Variants in CCDC33 observed in about 807,000 individuals in gnomAD.
CCDC33 encodes the protein coiled-coil domain-containing protein 33.
In CCDC33, 94 loss-of-function variants were observed where a neutral mutation model predicts 91.9. That is an observed-to-expected ratio of 1.02 (90% CI 0.87 to 1.21). CCDC33 has a LOEUF of 1.21. Ranked by LOEUF, CCDC33 falls within the 50% of genes most tolerant of loss-of-function variation. The probability of loss-of-function intolerance (pLI) is 0.00; values close to 1 mark genes in which losing one functional copy is unlikely to be tolerated. For missense variants in CCDC33, 940 were observed against 935.5 expected, an observed-to-expected ratio of 1.00 and a Z score of -0.06; for synonymous variants, 396 against 374.5, an observed-to-expected ratio of 1.06 and a Z score of -0.66.
At chr15:74,262,709 T>G (rs900219645) in intron 3 of CCDC33, 136 bp downstream of exon 3, 91 of 891,306 alleles carry the variant, frequency 1.0e-4, no homozygotes, top group Non-Finnish European at 1.4e-4. Flanking sequence ...TTAAAAGCAC[T>G]TAGAAAAAAT....
intron 2 of CCDC33, among the ~76,000 whole-genome samples, chr15:74,255,297 A>G (rs1176603392): frequency 1.3e-5 from 2 of 152,194 alleles, no homozygotes; most frequent in Non-Finnish European, 2.9e-5. Context: ...GGGATGTGCC[A>G]CACAGTCAGC....
At chr15:74,217,128 T>G, upstream of CCDC33, 1 of 457,134 alleles carries the variant, frequency 2.2e-6, no homozygotes, top group Non-Finnish European at 3.4e-6. Flanking sequence ...CTTCCTGCCT[T>G]GTTACCTGGT....
chr15:74,242,838 G>A (rs1013641031), intron 1 of CCDC33, among the ~76,000 whole-genome samples: 12 of 151,974 alleles, frequency 7.9e-5, no homozygotes, highest in Admixed American at 4.6e-4. Flanking sequence ...AGTCCCCACT[G>A]CCTCCCCAGT....
intron 7 of CCDC33, among the ~76,000 whole-genome samples, chr15:74,274,461 T>C (rs1414593878): frequency 1.3e-5 from 2 of 152,008 alleles, no homozygotes; most frequent in African/African-American, 4.8e-5. Flanking sequence ...ATAGCAAAAA[T>C]AGAACAAGAC....
intron 10 of CCDC33, among the ~76,000 whole-genome samples, chr15:74,286,756 C>T (rs2059483040): frequency 6.6e-6 from 1 of 152,192 alleles, no homozygotes; most frequent in Non-Finnish European, 1.5e-5. Context: ...CTCCTCAGCC[C>T]ACAGCCCACA....
chr15:74,272,583 A>G (rs1316218752), intron 6 of CCDC33, among the ~76,000 whole-genome samples, 188 bp from the exon 7 acceptor site: 1 of 152,120 alleles, frequency 6.6e-6, no homozygotes. Flanking sequence ...TGCTTGTTGG[A>G]GGAAGGAAGA....
At chr15:74,328,321 C>G (rs2060352426) in intron 11 of CCDC33, among the ~76,000 whole-genome samples, 1 of 152,222 alleles carries the variant, frequency 6.6e-6, no homozygotes. Context: ...AGGAGAGCAG[C>G]AGCCTCCAAA....
At chr15:74,258,732 T>C (rs564170687) in intron 2 of CCDC33, among the ~76,000 whole-genome samples, 1 of 152,288 alleles carries the variant, frequency 6.6e-6, no homozygotes, top group South Asian at 2.1e-4. Context: ...TGAGCACTCT[T>C]GCTTTCTGTC....
intron 2 of CCDC33, among the ~76,000 whole-genome samples, chr15:74,245,883 A>C (rs1015884618): frequency 6.6e-6 from 1 of 152,162 alleles, no homozygotes; most frequent in Admixed American, 6.5e-5. Flanking sequence ...AGCTGCCACC[A>C]GCTCGAGGTG....
intron 2 of CCDC33, among the ~76,000 whole-genome samples, chr15:74,220,298 C>A (rs2142147245): frequency 6.6e-6 from 1 of 152,324 alleles, no homozygotes; most frequent in East Asian, 1.9e-4. Context: ...TTAATTCATT[C>A]ATCAGTCAAT....
At chr15:74,221,435 G>C (rs911122340) in intron 2 of CCDC33, 3 of 519,298 alleles carry the variant, frequency 5.8e-6, no homozygotes, top group Middle Eastern at 9.2e-4. Flanking sequence ...TCTCAGCCAC[G>C]GCCCCTGGGT....
chr15:74,298,942 A>G (rs1567012869), intron 11 of CCDC33, among the ~76,000 whole-genome samples: 1 of 152,008 alleles, frequency 6.6e-6, no homozygotes, highest in Non-Finnish European at 1.5e-5. Flanking sequence ...CAAGCTCTTA[A>G]CCTTGTGATC....
At position 74,295,797 on chromosome 15, in the gene CCDC33, C is replaced by T; in HGVS notation, c.1139C>T (p.Pro380Leu). The T allele has an allele frequency of 6.2e-7, 1 of 1,613,944 alleles. No homozygotes were observed. Among genetic ancestry groups the T allele is most frequent in the Non-Finnish European group, 8.5e-7 (1 of 1,179,958 alleles). ...FLTPNNSKAL[P>L]TLDPKILDKK... ...ACACCAAACAACAGCAAGGCTCTTC[C>T]TACCTTGGACCCCAAGATCCTGGAT... Residue 380 changes from proline to leucine, a missense_variant, in exon 11 of 19, where the codon CCT (proline) becomes CTT (leucine). Coordinates refer to ENST00000398814, the MANE Select transcript of CCDC33 (RefSeq NM_025055.5).
At chr15:74,207,633 A>T in intron 1 of CCDC33, 1 of 1,450,110 alleles carries the variant, frequency 6.9e-7, no homozygotes, top group East Asian at 2.5e-5. Flanking sequence ...CCCAACTTCG[A>T]TAGCACGGAA....
chr15:74,310,463 G>C lies in CCDC33; in HGVS notation c.1290+14515G>C, dbSNP rs1294632983. 2.0e-5 allele frequency among the ~76,000 whole-genome samples: 3 copies of C among 151,690 alleles called. No individual in the cohort carries two copies. In the East Asian group the frequency reaches 5.8e-4, roughly 29 times the overall value. The stretch of plus-strand genomic sequence containing the variant: ...GAAGCAGGAAAATAGCTTGAACCCA[G>C]GAGACAGAGGTTGCAGTGAGCCGAG... On this transcript the variant is annotated intron_variant, in intron 11 of 18. Transcript: ENST00000398814.
At chr15:74,276,200 G>A (rs1046347872) in intron 7 of CCDC33, among the ~76,000 whole-genome samples, 1 of 152,244 alleles carries the variant, frequency 6.6e-6, no homozygotes, top group Admixed American at 6.5e-5. Flanking sequence ...AGGCAAGGAG[G>A]GGCATGGTGG....
chr15:74,277,261 C>T (rs1396108126), intron 7 of CCDC33, among the ~76,000 whole-genome samples: 1 of 152,164 alleles, frequency 6.6e-6, no homozygotes, highest in Non-Finnish European at 1.5e-5. Context: ...TGAGGCAGAC[C>T]CAGACCCAGA....
At position 74,330,343 on chromosome 15, in the gene CCDC33, C is replaced by G. The variant is rs2060403616; in HGVS notation, c.1445C>G (p.Ala482Gly). ...GAGGGGCAGGGCAAAGCCAGTGAGG[C>G]CCAGAACACGGGTGAGGATGTGCAG... ...EEEGQGKASE[A>G]QNTVSMKQKL... is the part of the protein sequence containing the mutation. Residue 482 changes from alanine (A) to glycine (G), a missense_variant, in exon 12 of 19, where the codon GCC becomes GGC. By Grantham distance (60) the Ala-to-Gly change is moderately conservative (BLOSUM62 0). Transcript: ENST00000398814. 3.8e-6 allele frequency: 6 copies of G among 1,597,906 alleles called. No homozygotes were observed. The highest frequency in any genetic ancestry group is 5.1e-6 in the Non-Finnish European group (6 of 1,173,048).
At position 74,239,939 on chromosome 15, in the gene CCDC33, C is replaced by T. The variant is rs553560038; in HGVS notation, c.21+3199C>T. ...TGCAGGCCAGGGGTAACAGATGGGT[C>T]GAGGACATTGGTTCTGATGCAGGAC... On this transcript the variant is annotated intron_variant, in intron 1 of 18. Transcript: ENST00000398814. 5.3e-5 allele frequency among the ~76,000 whole-genome samples: 8 copies of T among 152,314 alleles called. No individual in the cohort carries two copies. In the East Asian group the frequency reaches 7.7e-4, roughly 15 times the overall value.
Sources: allele counts gnomAD v4.1 joint callset (sites outside exome capture counted in the v4.1 genomes callset), GRCh38; gene constraint gnomAD v4.1.1; transcripts MANE v1.5; gene names NCBI Gene and HGNC (gene_info 2026-07-23, HGNC 2026-07-21).